SPTBN1: variants seen among roughly 807,000 people sequenced by gnomAD.
SPTBN1 encodes spectrin beta chain, non-erythrocytic 1.
Under a neutral mutation model 266.4 loss-of-function variants are expected in SPTBN1, and 32 were observed. The observed-to-expected ratio is 0.12, with a 90% CI of 0.09 to 0.16. SPTBN1 has a LOEUF of 0.16. SPTBN1 is among the 10% of genes least tolerant of loss of function. The pLI is 1.00. For missense variants in SPTBN1, 2,296 were observed against 3,067.1 expected (o/e 0.75, Z 5.94); for synonymous variants, 1,336 against 1,162.2 (o/e 1.15, Z -3.04).
At chr2:54,557,575 A>C (rs2104454288) in intron 2 of SPTBN1, among the ~76,000 whole-genome samples, 1 of 152,266 alleles carries the variant, frequency 6.6e-6, no homozygotes, top group South Asian at 2.1e-4. Flanking sequence ...CTTGTTTTAC[A>C]AATCAGAGTA....
intron 1 of SPTBN1, among the ~76,000 whole-genome samples, chr2:54,461,831 A>G (rs1485491595): frequency 2.0e-5 from 3 of 152,142 alleles, no homozygotes; most frequent in African/African-American, 4.8e-5. Context: ...TCTTGCGACA[A>G]TTACTTCTCA....
At chr2:54,622,185 G>A (rs183489924) in intron 8 of SPTBN1, 115 bp from the exon 9 acceptor site, 1 of 1,123,368 alleles carries the variant, frequency 8.9e-7, no homozygotes, top group Non-Finnish European at 1.3e-6. Flanking sequence ...TTTCAGAGCT[G>A]GCCAAACTGT....
At chr2:54,662,456 C>A in intron 32 of SPTBN1, 1 of 341,630 alleles carries the variant, frequency 2.9e-6, no homozygotes, top group Non-Finnish European at 4.1e-6. Context: ...TGGCCTTCAT[C>A]TACCTTGCAG....
intron 32 of SPTBN1, chr2:54,661,533 G>A: frequency 1.0e-6 from 1 of 985,672 alleles, no homozygotes; most frequent in Non-Finnish European, 1.2e-6. Context: ...CTGTAGATGG[G>A]TATATAGATA....
At chr2:54,530,649 G>A (rs974090232) in intron 2 of SPTBN1, among the ~76,000 whole-genome samples, 3 of 151,940 alleles carry the variant, frequency 2.0e-5, no homozygotes, top group East Asian at 1.9e-4. Context: ...GAGCCACCGC[G>A]CCCGGCTTAA....
chr2:54,528,023 C>T (rs1327420278), intron 2 of SPTBN1: 1 of 152,544 alleles, frequency 6.6e-6, no homozygotes, highest in African/African-American at 2.4e-5. Context: ...TAATTTGTCT[C>T]TTGAGTGGTG....
chr2:54,633,433 G>GTGTCTGTCTGTC (rs35720306), intron 17 of SPTBN1, among the ~76,000 whole-genome samples: 4 of 151,684 alleles, frequency 2.6e-5, no homozygotes, highest in Non-Finnish European at 4.4e-5. Flanking sequence ...GTGCGTGTGT[G>GTGTCTGTCTGTC]TGTCTGTCTG....
chr2:54,492,950 A>G (rs183029750), intron 1 of SPTBN1, among the ~76,000 whole-genome samples: 5 of 152,034 alleles, frequency 3.3e-5, no homozygotes, highest in Admixed American at 6.6e-5. Context: ...TACAGTGTCC[A>G]TCAGAAAATC....
intron 1 of SPTBN1, among the ~76,000 whole-genome samples, chr2:54,501,943 T>TG (rs1052162220): frequency 6.6e-6 from 1 of 152,202 alleles, no homozygotes; most frequent in Non-Finnish European, 1.5e-5. Flanking sequence ...AAATTTGTGT[T>TG]GGGAGGTGAT....
In SPTBN1 at chr2:54,645,435, G is replaced by A. The variant is rs1181752876; in HGVS notation, c.4476G>A (p.Arg1492=). The A allele has an allele frequency of 3.1e-6, 5 of 1,614,092 alleles. No homozygotes were observed. Among genetic ancestry groups the A allele is most frequent in the Admixed American group, 3.3e-5 (2 of 60,016 alleles). Residue 1492 remains arginine, a synonymous_variant, in exon 21 of 36, where the codon AGG becomes AGA. Transcript: ENST00000356805. This position sits in a 1 kb window ranked among gnomAD's most constrained non-coding sequence, Gnocchi z 4.3. ...CCAAAGAGATCCATCAGTTCAACAG[G>A]GATGTGGAGGACGAGATCGTGAGTC... is the stretch of plus-strand genomic sequence containing the variant. ...LASKEIHQFN[R]DVEDEILWVG...
At chr2:54,599,391 G>A (rs1024204333) in intron 3 of SPTBN1, 148 bp downstream of exon 3, 5 of 886,216 alleles carry the variant, frequency 5.6e-6, no homozygotes, top group Non-Finnish European at 8.6e-6. Flanking sequence ...GCTTCAGGGA[G>A]AGCCTTAGTG....
intron 1 of SPTBN1, among the ~76,000 whole-genome samples, chr2:54,512,968 C>T (rs1404287856): frequency 3.9e-5 from 6 of 152,266 alleles, no homozygotes; most frequent in Admixed American, 3.3e-4. Context: ...GAGGCTGAGG[C>T]GGGCAGATCA....
In SPTBN1 at chr2:54,533,394, G is replaced by GTC. The variant is rs1558813833; in HGVS notation, c.148+6830_148+6831dup. On this transcript the variant is annotated intron_variant, in intron 2 of 35. Coordinates refer to ENST00000356805, the MANE Select transcript of SPTBN1 (RefSeq NM_003128.3). The surrounding 1 kb of genome is among the most constrained non-coding windows in gnomAD (Gnocchi z 4.2). ...TGTGTGTGTGTGTGTGTGTGTGTGT[G>GTC]TCTAAACCATTTGACTTCTAGTGAA... 7.4e-6 allele frequency among the ~76,000 whole-genome samples: 1 copy of GTC among 135,082 alleles called. No individual in the cohort carries two copies. The highest frequency in any genetic ancestry group is 2.4e-4 in the South Asian group (1 of 4,218). The allele number at this position is 135,082 out of a possible 152,430, so 88.6% of individuals were successfully genotyped here.
intron 3 of SPTBN1, among the ~76,000 whole-genome samples, chr2:54,609,122 A>G (rs1677051008): frequency 1.3e-5 from 2 of 152,298 alleles, no homozygotes; most frequent in Non-Finnish European, 2.9e-5. Context: ...CTTTATGGAA[A>G]TAACACAAGC....
At chr2:54,506,567 A>C (rs539952595) in intron 1 of SPTBN1, among the ~76,000 whole-genome samples, 1 of 151,566 alleles carries the variant, frequency 6.6e-6, no homozygotes, top group Admixed American at 6.6e-5. Context: ...TGCTTCTAAT[A>C]CTCTTCGAAG....
At chr2:54,461,493 C>T (rs1693367932) in intron 1 of SPTBN1, among the ~76,000 whole-genome samples, 1 of 152,174 alleles carries the variant, frequency 6.6e-6, no homozygotes, top group South Asian at 2.1e-4. Flanking sequence ...GCTCACAGGG[C>T]ATATGCATCA....
chr2:54,630,107 G>A, intron 15 of SPTBN1, 78 bp downstream of exon 15: 2 of 1,537,342 alleles, frequency 1.3e-6, no homozygotes, highest in Admixed American at 2.0e-5. Flanking sequence ...GAGCTTTGCT[G>A]TTGGGAATTT....
At position 54,628,019 on chromosome 2, in the gene SPTBN1, C is replaced by G; in HGVS notation, c.1645-78C>G. 6.6e-7 allele frequency: 1 copy of G among 1,507,890 alleles called. No homozygotes were observed. Among genetic ancestry groups the G allele is most frequent in the South Asian group, 1.3e-5 (1 of 74,668 alleles). 93.4% of individuals were successfully genotyped at this position (1,507,890 alleles called of 1,614,324 possible). ...AAGGCATAGCTTCATTGCTGGCTCTCTGCTTGTCGAAAGATGATGTGATGC... is the reference window on the plus strand; with the variant it reads ...AAGGCATAGCTTCATTGCTGGCTCTGTGCTTGTCGAAAGATGATGTGATGC... On this transcript the variant is annotated intron_variant, in intron 12 of 35. Transcript: ENST00000356805. This position sits in a 1 kb window ranked among gnomAD's most constrained non-coding sequence, Gnocchi z 4.3.
intron 24 of SPTBN1, among the ~76,000 whole-genome samples, chr2:54,648,731 A>G (rs1454303052): frequency 1.3e-5 from 2 of 152,194 alleles, no homozygotes. Flanking sequence ...GGCACTACCC[A>G]TCCCTAGTGT....
Sources: allele counts gnomAD v4.1 joint callset (sites outside exome capture counted in the v4.1 genomes callset), GRCh38; gene constraint gnomAD v4.1.1; non-coding constraint Gnocchi (gnomAD v3.1); transcripts MANE v1.5; gene names NCBI Gene and HGNC (gene_info 2026-07-23, HGNC 2026-07-21).